The following CPA4 variants were observed in gnomAD, a reference collection of about 807,000 sequenced individuals.
CPA4 encodes carboxypeptidase A4, also known as carboxypeptidase A3.
CPA4 carries 49 observed loss-of-function variants against 54.7 expected under a neutral mutation model. That is an observed-to-expected ratio of 0.90 (90% CI 0.71 to 1.14). The LOEUF is 1.14. Ranked by LOEUF, CPA4 falls within the 50% of genes most tolerant of loss-of-function variation. CPA4 has a pLI of 0.00. For missense variants in CPA4, 487 were observed against 525.1 expected (o/e 0.93, Z 0.71); for synonymous variants, 215 against 206.8 (o/e 1.04, Z -0.34).
At chr7:130,294,832 C>T (rs1260378576) in intron 1 of CPA4, among the ~76,000 whole-genome samples, 1 of 152,178 alleles carries the variant, frequency 6.6e-6, no homozygotes, top group Admixed American at 6.5e-5. Context: ...GCTTTTAGAG[C>T]AAGGGGAACA....
At chr7:130,311,070 G>A (rs1283118405) in intron 9 of CPA4, 84 bp downstream of exon 9, 1 of 1,115,908 alleles carries the variant, frequency 9.0e-7, no homozygotes, top group Non-Finnish European at 1.4e-6. Flanking sequence ...CAGCTTTATA[G>A]GGAGGGTCCA....
At chr7:130,308,560 T>C (rs1461153410) in intron 8 of CPA4, among the ~76,000 whole-genome samples, 163 bp downstream of exon 8, 1 of 152,078 alleles carries the variant, frequency 6.6e-6, no homozygotes, top group Non-Finnish European at 1.5e-5. Context: ...AGTGTTTTGT[T>C]TGTTGTTGCT....
intron 10 of CPA4, among the ~76,000 whole-genome samples, chr7:130,316,909 CA>C (rs55938623): frequency 0.31 from 39,001 of 124,278 alleles, 5,162 homozygotes; most frequent in Non-Finnish European, 0.37. Flanking sequence ...AACTCTGTCT[CA>C]AAAAAAAAAA....
intron 1 of CPA4, among the ~76,000 whole-genome samples, chr7:130,297,478 G>A (rs1793668636): frequency 6.6e-6 from 1 of 152,120 alleles, no homozygotes; most frequent in South Asian, 2.1e-4. Flanking sequence ...GGGACCAGGT[G>A]GGTTGGGAGA....
Position 130,310,717 on chromosome 7 carries a change from G to A in CPA4, c.794-70G>A, listed in dbSNP as rs531237394. The A allele has an allele frequency of 3.4e-4, 495 of 1,461,120 alleles. 10 individuals are homozygous for A. The South Asian group carries it at 5.1e-3, about 15-fold the overall frequency. 90.5% of individuals were successfully genotyped at this position (1,461,120 alleles called of 1,614,324 possible). On this transcript the variant is annotated intron_variant, in intron 8 of 10. Transcript: ENST00000222482. The surrounding 1 kb of genome is among the most constrained non-coding windows in gnomAD (Gnocchi z 4.3). The stretch of plus-strand genomic sequence containing the variant: ...TCCCAATACCTTCGGCCCCTCTCTA[G>A]GTGGAGCGTCTTGCATTTCTGTGTT...
chr7:130,305,743 A>G, intron 5 of CPA4, 73 bp from the exon 6 acceptor site: 1 of 1,024,958 alleles, frequency 9.8e-7, no homozygotes, highest in South Asian at 1.3e-5. Context: ...TGAATGGGAG[A>G]GAGCTGGAGA....
At chr7:130,311,646 G>A (rs1245063303) in intron 9 of CPA4, among the ~76,000 whole-genome samples, 1 of 151,890 alleles carries the variant, frequency 6.6e-6, no homozygotes, top group East Asian at 1.9e-4. Context: ...AGCATATTTG[G>A]CCCTCCCTCA....
chr7:130,306,866 A>G lies in CPA4; in HGVS notation c.671A>G (p.Asn224Ser), dbSNP rs1363032872. The G allele has an allele frequency of 4.4e-6, 7 of 1,606,242 alleles. No homozygotes were observed. Among genetic ancestry groups the G allele is most frequent in the Middle Eastern group, 1.7e-4 (1 of 6,050 alleles). The change falls in exon 7 of 11, where the codon AAT becomes AGT. Residue 224 changes from asparagine (N) to serine (S), a missense_variant. Transcript: ENST00000222482. ...GATATTTTCTTGTTGCCTGTGGCCA[A>G]TCCTGATGGATATGTGTATACTCAA... ...KMDIFLLPVA[N>S]PDGYVYTQTQ... is the part of the protein sequence containing the mutation.
rs1241949147 is a variant in CPA4, at chr7:130,299,368, G to A, written c.249G>A (p.Gln83=). ...CATTTAAATCCTTCCTGAGATCCCA[G>A]GGCTTAGAGTACGCAGTGACAATTG... is the stretch of plus-strand genomic sequence containing the variant. ...LQAFKSFLRS[Q]GLEYAVTIED... is the part of the protein sequence containing the mutation. Residue 83 remains glutamine, a synonymous_variant, in exon 3 of 11, where the codon CAG becomes CAA. Transcript: ENST00000222482. 6.2e-7 allele frequency: 1 copy of A among 1,614,100 alleles called. No individual in the cohort carries two copies. The highest frequency in any genetic ancestry group is 8.5e-7 in the Non-Finnish European group (1 of 1,179,952).
intron 6 of CPA4, chr7:130,306,297 C>T: frequency 3.7e-6 from 1 of 272,288 alleles, no homozygotes; most frequent in Non-Finnish European, 7.0e-6. Flanking sequence ...GCAGGAGAAT[C>T]CCTTGAACCC....
chr7:130,306,990 G>C (rs762368158), intron 7 of CPA4, 93 bp downstream of exon 7: 1 of 751,904 alleles, frequency 1.3e-6, no homozygotes, highest in Non-Finnish European at 2.4e-6. Flanking sequence ...CCACAAATGT[G>C]CACCTTATGA....
At chr7:130,312,440 G>A (rs1793929795) in intron 10 of CPA4, among the ~76,000 whole-genome samples, 1 of 152,120 alleles carries the variant, frequency 6.6e-6, no homozygotes, top group African/African-American at 2.4e-5. Flanking sequence ...CATTGAGCCT[G>A]GACAACATAG....
Position 130,295,545 on chromosome 7 carries a change from C to T in CPA4, c.68+2297C>T, listed in dbSNP as rs939384834. ...TGGATAGTGGAGATAGGATGTGCTC[C>T]ACCATCTTGAGCCTCATGAACTGAC... On this transcript the variant is annotated intron_variant, in intron 1 of 10. Transcript: ENST00000222482. 2.0e-5 allele frequency among the ~76,000 whole-genome samples: 3 copies of T among 152,316 alleles called. No individual in the cohort carries two copies. The East Asian group carries it at 5.8e-4, about 29-fold the overall frequency.
At chr7:130,295,103 A>G (rs894304341) in intron 1 of CPA4, among the ~76,000 whole-genome samples, 6 of 152,240 alleles carry the variant, frequency 3.9e-5, no homozygotes, top group African/African-American at 1.4e-4. Flanking sequence ...CCAGTTGCAG[A>G]GCTGGTTACA....
intron 10 of CPA4, among the ~76,000 whole-genome samples, chr7:130,317,201 T>G (rs1219464085): frequency 6.6e-6 from 1 of 152,234 alleles, no homozygotes; most frequent in Non-Finnish European, 1.5e-5. Context: ...ACCTTTCGTA[T>G]GTTTAGATTT....
intron 1 of CPA4, chr7:130,293,588 G>A (rs966329650): frequency 4.2e-5 from 10 of 235,788 alleles, no homozygotes; most frequent in African/African-American, 7.1e-5. Context: ...TAAGAGCTAC[G>A]TTATTAATTA....
intron 10 of CPA4, among the ~76,000 whole-genome samples, chr7:130,321,694 G>C (rs768590686): frequency 6.6e-5 from 10 of 152,202 alleles, no homozygotes; most frequent in Admixed American, 3.9e-4. Flanking sequence ...GCAGGGCAAA[G>C]AGCAAATGAG....
chr7:130,301,355 T>C (rs1224481431), intron 4 of CPA4, among the ~76,000 whole-genome samples: 1 of 152,220 alleles, frequency 6.6e-6, no homozygotes, highest in East Asian at 1.9e-4. Context: ...TATATATTTG[T>C]TCCATCATGC....
chr7:130,318,497 C>T (rs763006420), intron 10 of CPA4, among the ~76,000 whole-genome samples: 44 of 152,244 alleles, frequency 2.9e-4, no homozygotes, highest in Non-Finnish European at 4.6e-4. Context: ...TCACAACTTC[C>T]GCCTCCCAGG....
Sources: gnomAD v4.1 joint callset for allele counts (sites outside exome capture counted in the v4.1 genomes callset) on GRCh38, gnomAD v4.1.1 for gene constraint, Gnocchi (gnomAD v3.1) non-coding constraint, MANE v1.5 for transcripts, NCBI Gene and HGNC (gene_info 2026-07-23, HGNC 2026-07-21) for gene names.